The following DOCK1 variants were observed in gnomAD, a reference collection of about 807,000 sequenced individuals.
DOCK1 encodes the protein dedicator of cytokinesis 1.
In DOCK1, 138 loss-of-function variants were observed where a neutral mutation model predicts 262.7. The observed-to-expected ratio is 0.53, with a 90% CI of 0.46 to 0.61. DOCK1 has a LOEUF of 0.61. Among genes scored for constraint, DOCK1 ranks in the 20% least tolerant of loss-of-function variants. The pLI is 0.00. For synonymous variants in DOCK1, 866 were observed against 867.4 expected, an observed-to-expected ratio of 1.00 and a Z score of 0.03; for missense variants, 1,908 against 2,370.7, an observed-to-expected ratio of 0.80 and a Z score of 4.05.
intron 27 of DOCK1, among the ~76,000 whole-genome samples, chr10:127,144,076 C>T (rs945258791): frequency 6.6e-6 from 1 of 152,152 alleles, no homozygotes. Context: ...TGTCCTTCCT[C>T]TCCGCCCACC....
chr10:127,268,953 C>T (rs1435158173), intron 29 of DOCK1, among the ~76,000 whole-genome samples: 1 of 152,134 alleles, frequency 6.6e-6, no homozygotes, highest in African/African-American at 2.4e-5. Context: ...TTCTGCCGAG[C>T]CTGGGGTGAA....
At chr10:127,247,880 C>A in intron 27 of DOCK1, 128 bp from the exon 28 acceptor site, 1 of 818,656 alleles carries the variant, frequency 1.2e-6, no homozygotes, top group Non-Finnish European at 2.0e-6. Flanking sequence ...CAGCAGAACC[C>A]AGGGCTCCCT....
At chr10:127,139,673 G>T (rs2051035250) in intron 27 of DOCK1, among the ~76,000 whole-genome samples, 1 of 152,174 alleles carries the variant, frequency 6.6e-6, no homozygotes, top group Non-Finnish European at 1.5e-5. Context: ...AGGACATGGG[G>T]TTTCCACCCT....
intron 27 of DOCK1, 85 bp from the exon 28 acceptor site, chr10:127,247,923 C>A: frequency 7.5e-7 from 1 of 1,338,080 alleles, no homozygotes. Context: ...CTGACAGTTT[C>A]AAGTCCCAGA....
At chr10:127,259,944 G>A (rs927422262) in intron 29 of DOCK1, among the ~76,000 whole-genome samples, 1 of 152,182 alleles carries the variant, frequency 6.6e-6, no homozygotes, top group Non-Finnish European at 1.5e-5. Flanking sequence ...AAGCCACACA[G>A]TAAGTGGTCT....
chr10:127,274,572 G>A (rs2060678696), intron 29 of DOCK1, among the ~76,000 whole-genome samples: 1 of 152,150 alleles, frequency 6.6e-6, no homozygotes, highest in East Asian at 1.9e-4. Flanking sequence ...GAGAGATTTG[G>A]GGCATGTTTT....
chr10:126,938,408 G>A (rs2034703136), intron 1 of DOCK1, among the ~76,000 whole-genome samples: 1 of 152,120 alleles, frequency 6.6e-6, no homozygotes, highest in African/African-American at 2.4e-5. Context: ...ACCATTTATT[G>A]TTCTTTCCCA....
intron 32 of DOCK1, among the ~76,000 whole-genome samples, chr10:127,360,201 G>A (rs2064343897): frequency 2.0e-5 from 3 of 152,294 alleles, no homozygotes; most frequent in East Asian, 1.9e-4. Flanking sequence ...AAGCTTGGCA[G>A]TTGCTGTGGT....
At chr10:127,020,384 T>C (rs928491794) in intron 13 of DOCK1, among the ~76,000 whole-genome samples, 2 of 152,080 alleles carry the variant, frequency 1.3e-5, no homozygotes, top group African/African-American at 4.8e-5. Flanking sequence ...TCCCTTATGA[T>C]GGATAGACTT....
At chr10:127,312,333 T>C (rs1490195385) in intron 29 of DOCK1, among the ~76,000 whole-genome samples, 1 of 152,170 alleles carries the variant, frequency 6.6e-6, no homozygotes, top group Non-Finnish European at 1.5e-5. Flanking sequence ...AGCAGAGCCA[T>C]GCACTCCCCA....
intron 29 of DOCK1, among the ~76,000 whole-genome samples, chr10:127,282,783 G>A (rs1159267367): frequency 6.6e-6 from 1 of 152,214 alleles, no homozygotes; most frequent in African/African-American, 2.4e-5. Flanking sequence ...CTGAGAGCAA[G>A]CTCTGCCTTG....
At chr10:127,059,078 C>A (rs1366835527) in intron 22 of DOCK1, among the ~76,000 whole-genome samples, 2 of 152,054 alleles carry the variant, frequency 1.3e-5, no homozygotes, top group Non-Finnish European at 1.5e-5. Flanking sequence ...AAGATATTTT[C>A]ACTCACTATA....
chr10:127,050,670 A>G (rs998054299), intron 21 of DOCK1, among the ~76,000 whole-genome samples: 2 of 149,844 alleles, frequency 1.3e-5, no homozygotes, highest in East Asian at 3.9e-4. Flanking sequence ...GTGCCACTGC[A>G]CTCCCGCCTG....
At chr10:127,189,013 G>A (rs527930077) in intron 27 of DOCK1, among the ~76,000 whole-genome samples, 1 of 152,298 alleles carries the variant, frequency 6.6e-6, no homozygotes, top group South Asian at 2.1e-4. Flanking sequence ...GGCTCAGGTG[G>A]TCGGCTCCTA....
At chr10:127,369,708 G>A (rs951439565) in intron 33 of DOCK1, among the ~76,000 whole-genome samples, 1 of 149,802 alleles carries the variant, frequency 6.7e-6, no homozygotes, top group Non-Finnish European at 1.5e-5. Flanking sequence ...AGGCTCATGA[G>A]TGTTTCACAG....
intron 4 of DOCK1, among the ~76,000 whole-genome samples, chr10:126,984,435 C>T (rs1178396526): frequency 1.3e-5 from 2 of 152,186 alleles, no homozygotes; most frequent in African/African-American, 2.4e-5. Flanking sequence ...GCAACCTCTG[C>T]CTCCAGGTTC....
At chr10:127,011,478 A>G (rs1333769524) in intron 11 of DOCK1, among the ~76,000 whole-genome samples, 1 of 152,160 alleles carries the variant, frequency 6.6e-6, no homozygotes, top group African/African-American at 2.4e-5. Context: ...CATTATGGCC[A>G]TGCTGTCTAT....
rs181965496 is a variant in DOCK1 at position 127,225,642 on chromosome 10, T to C, written c.2848-22366T>C. On this transcript the variant is annotated intron_variant, in intron 27 of 51. Transcript: ENST00000623213. ...TTGCTTTGGAATAATAGCGAGAAGCTAGTCTTTTGAGTTTTAACTGTTGGA... is the reference window on the plus strand; with the variant it reads ...TTGCTTTGGAATAATAGCGAGAAGCCAGTCTTTTGAGTTTTAACTGTTGGA... Among the ~76,000 whole-genome samples, 7 of 152,368 alleles carry C rather than the reference T, an allele frequency of 4.6e-5. No individual in the cohort carries two copies. The East Asian group carries it at 1.3e-3, about 29-fold the overall frequency.
At position 127,336,763 on chromosome 10, in the gene DOCK1, T is replaced by G. The variant is rs1344586220; in HGVS notation, c.3045-2243T>G. On this transcript the variant is annotated intron_variant, in intron 29 of 51. Coordinates refer to ENST00000623213, the MANE Select transcript of DOCK1 (RefSeq NM_001290223.2). ...ACTGTGTTAGCCAGGATGGTCTCAATCTCCTGACCTCGTGATTCACCCACC... is the reference window on the plus strand; with the variant it reads ...ACTGTGTTAGCCAGGATGGTCTCAAGCTCCTGACCTCGTGATTCACCCACC... Among the ~76,000 whole-genome samples, 4 of 152,116 alleles carry G rather than the reference T, an allele frequency of 2.6e-5. No individual in the cohort carries two copies. The South Asian group carries it at 8.3e-4, about 32-fold the overall frequency.
Sources: gnomAD v4.1 joint callset for allele counts (sites outside exome capture counted in the v4.1 genomes callset) on GRCh38, gnomAD v4.1.1 for gene constraint, MANE v1.5 for transcripts, NCBI Gene and HGNC (gene_info 2026-07-23, HGNC 2026-07-21) for gene names.